TET3: variants seen among roughly 807,000 people sequenced by gnomAD.
TET3 encodes tet methylcytosine dioxygenase 3, also known as methylcytosine dioxygenase TET3.
In TET3, 19 loss-of-function variants were observed where a neutral mutation model predicts 141.4. The ratio of observed to expected loss-of-function variants is 0.13; its 90% CI spans 0.09 to 0.20. The LOEUF is 0.20. Among genes scored for constraint, TET3 ranks in the 10% least tolerant of loss-of-function variants. TET3 has a pLI of 1.00. For missense variants in TET3, 1,874 were observed against 2,356.9 expected (o/e 0.80, Z 4.24); for synonymous variants, 1,043 against 980.9 (o/e 1.06, Z -1.18).
At position 74,019,310 on chromosome 2, in the gene TET3, C is replaced by T. The variant is rs569060410; in HGVS notation, c.360+16144C>T. On this transcript the variant is annotated intron_variant, in intron 3 of 11. Transcript: ENST00000409262. ...GAAACGTTTTAAGGTTTTCTTCTTA[C>T]ACATTTCTTGTGAAGTTTCTTCCTA... Among the ~76,000 whole-genome samples, 137 of 152,342 alleles carry T rather than the reference C, an allele frequency of 9.0e-4. 1 individual carries two copies. The South Asian group carries it at 0.019, about 21-fold the overall frequency.
chr2:74,013,743 C>T (rs1685589241), intron 3 of TET3, among the ~76,000 whole-genome samples: 1 of 151,898 alleles, frequency 6.6e-6, no homozygotes, highest in African/African-American at 2.4e-5. Context: ...ACTGAGGAGG[C>T]GGAGCTTGCA....
chr2:74,098,490 A>G (rs766405018), intron 10 of TET3, among the ~76,000 whole-genome samples: 1 of 152,144 alleles, frequency 6.6e-6, no homozygotes, highest in Admixed American at 6.5e-5. Flanking sequence ...TGACCGTGAT[A>G]TTTAAAGTGA....
the TET3 span, among the ~76,000 whole-genome samples, chr2:74,119,695 T>C: frequency 6.6e-6 from 1 of 152,248 alleles, no homozygotes; most frequent in African/African-American, 2.4e-5. Context: ...TTTCACCTAA[T>C]AGTTTCAGCT....
intron 2 of TET3, among the ~76,000 whole-genome samples, chr2:73,989,009 T>C (rs544685788): frequency 9.7e-4 from 145 of 150,212 alleles, no homozygotes; most frequent in African/African-American, 3.4e-3. Context: ...GTTTTTTTTT[T>C]TTTTTGGTCC....
At chr2:74,019,088 A>G (rs1378039335) in intron 3 of TET3, among the ~76,000 whole-genome samples, 1 of 152,044 alleles carries the variant, frequency 6.6e-6, no homozygotes, top group African/African-American at 2.4e-5. Flanking sequence ...GCCAACCCTC[A>G]TCTCTACAAA....
At chr2:74,031,015 C>G (rs1474022969) in intron 3 of TET3, among the ~76,000 whole-genome samples, 1 of 151,842 alleles carries the variant, frequency 6.6e-6, no homozygotes, top group African/African-American at 2.4e-5. Flanking sequence ...AGGATGCAGG[C>G]GCTGAGTTAA....
Position 74,003,048 on chromosome 2 carries a change from G to A in TET3, c.304-62G>A, listed in dbSNP as rs1684947897. 2.0e-6 allele frequency: 3 copies of A among 1,537,534 alleles called. No individual in the cohort carries two copies. The East Asian group carries it at 7.3e-5, about 38-fold the overall frequency. On this transcript the variant is annotated intron_variant, in intron 2 of 11. Transcript: ENST00000409262. ...CCGGCCGGGCTGGGGGCTGTAGCAGGAGGACTTTGCTGCCTTCCTGGTACC... is the reference window on the plus strand; with the variant it reads ...CCGGCCGGGCTGGGGGCTGTAGCAGAAGGACTTTGCTGCCTTCCTGGTACC...
At chr2:73,992,315 TTTG>T (rs1684370573) in intron 2 of TET3, among the ~76,000 whole-genome samples, 1 of 151,014 alleles carries the variant, frequency 6.6e-6, no homozygotes, top group East Asian at 1.9e-4. Flanking sequence ...CTTTTTTTTT[TTTG>T]TTTTGTTTTG....
chr2:74,126,008 C>T, the TET3 span, among the ~76,000 whole-genome samples: 1 of 152,310 alleles, frequency 6.6e-6, no homozygotes, highest in South Asian at 2.1e-4. Flanking sequence ...GATCCAACCA[C>T]CTCAGCCTCT....
the TET3 span, among the ~76,000 whole-genome samples, chr2:74,123,469 C>T: frequency 6.6e-6 from 1 of 152,144 alleles, no homozygotes; most frequent in Non-Finnish European, 1.5e-5. Context: ...ATACAAAAAA[C>T]TGGACCCGGC....
At chr2:74,024,540 G>T (rs894878855) in intron 3 of TET3, among the ~76,000 whole-genome samples, 1 of 152,108 alleles carries the variant, frequency 6.6e-6, no homozygotes, top group Admixed American at 6.5e-5. Context: ...CCAGGGTGGT[G>T]TCTGGGGCTC....
At chr2:74,011,260 G>A (rs892127843) in intron 3 of TET3, among the ~76,000 whole-genome samples, 4 of 147,544 alleles carry the variant, frequency 2.7e-5, no homozygotes, top group Non-Finnish European at 6.0e-5. Context: ...TTTAAAAATT[G>A]AAGTATAGTA....
At chr2:74,089,126 C>T (rs139112349) in intron 7 of TET3, among the ~76,000 whole-genome samples, 6 of 151,568 alleles carry the variant, frequency 4.0e-5, no homozygotes, top group Non-Finnish European at 5.9e-5. Context: ...GTTCCATCTT[C>T]CCCCCGAAGT....
At chr2:74,016,044 T>G (rs969671358) in intron 3 of TET3, among the ~76,000 whole-genome samples, 5 of 152,096 alleles carry the variant, frequency 3.3e-5, no homozygotes, top group African/African-American at 1.2e-4. Context: ...ATCAGTATAT[T>G]AAGATATATT....
chr2:74,005,472 G>T (rs1685104602), intron 3 of TET3, among the ~76,000 whole-genome samples: 1 of 152,198 alleles, frequency 6.6e-6, no homozygotes, highest in Non-Finnish European at 1.5e-5. Context: ...AGTTTCCTTG[G>T]GTGGCCAGTT....
In TET3 at chr2:74,047,583, G is replaced by C. The variant is rs1255863832; in HGVS notation, c.1666G>C (p.Ala556Pro). Residue 556 changes from alanine (A) to proline (P), a missense_variant, in exon 4 of 12, where the codon GCT becomes CCT. By Grantham distance (27) the Ala-to-Pro change is conservative. Around this residue, in one of 10 missense-constraint regions of TET3, gnomAD observed 484 missense variants for 462.2 expected, o/e 1.05. Coordinates refer to ENST00000409262, the MANE Select transcript of TET3 (RefSeq NM_001287491.2). ...CTTCCCTGCTCCTTCAGAGCCTTCT[G>C]CTCCTGGCTGGTGGCCCCCACCAAG... ...TSFPAPSEPS[A>P]PGWWPPPSSP... The C allele has an allele frequency of 6.2e-7, 1 of 1,613,876 alleles. No homozygotes were observed. Among genetic ancestry groups the C allele is most frequent in the Non-Finnish European group, 8.5e-7 (1 of 1,179,868 alleles).
rs370759563 is a variant in TET3 at position 74,058,661 on chromosome 2, C to T, written c.2494+10250C>T. Among the ~76,000 whole-genome samples, 5 of 151,658 alleles carry T rather than the reference C, an allele frequency of 3.3e-5. No individual in the cohort carries two copies. The East Asian group carries it at 7.7e-4, about 23-fold the overall frequency. On this transcript the variant is annotated intron_variant, in intron 4 of 11. Transcript: ENST00000409262. ...TACACATACAGGAAGATATGTAAATCACAAGTGTACAGCTCAATACAGTTT... is the reference window on the plus strand; with the variant it reads ...TACACATACAGGAAGATATGTAAATTACAAGTGTACAGCTCAATACAGTTT...
chr2:73,992,640 A>G (rs1016392889), intron 2 of TET3, among the ~76,000 whole-genome samples: 14 of 151,986 alleles, frequency 9.2e-5, no homozygotes, highest in African/African-American at 3.4e-4. Context: ...ATAGAGACAG[A>G]GTGTCGCTAT....
chr2:74,122,490 C>CATATATATATATATATATATAT, the TET3 span: 1 of 59,354 alleles, frequency 1.7e-5, no homozygotes, highest in African/African-American at 7.2e-5. Flanking sequence ...TAAATACATA[C>CATATATATATATATATATATAT]ATATATATAT....
Sources: allele counts gnomAD v4.1 joint callset (sites outside exome capture counted in the v4.1 genomes callset), GRCh38; gene constraint gnomAD v4.1.1; regional missense constraint gnomAD v4.1.1; transcripts MANE v1.5; gene names NCBI Gene and HGNC (gene_info 2026-07-23, HGNC 2026-07-21).